Variants in BPTF observed in about 807,000 individuals in gnomAD.
The protein encoded by BPTF is nucleosome-remodeling factor subunit BPTF.
BPTF carries 18 observed loss-of-function variants against 292.5 expected under a neutral mutation model. The ratio of observed to expected loss-of-function variants is 0.06; its 90% CI spans 0.04 to 0.09. The LOEUF (loss-of-function observed/expected upper bound fraction) is 0.09. Among genes scored for constraint, BPTF ranks in the 10% least tolerant of loss-of-function variants. The pLI is 1.00. For missense variants in BPTF, 2,726 were observed against 3,498.7 expected (o/e 0.78, Z 5.57); for synonymous variants, 1,225 against 1,251.9 (o/e 0.98, Z 0.45).
intron 23 of BPTF, among the ~76,000 whole-genome samples, chr17:67,949,712 T>C (rs2066130613): frequency 6.6e-6 from 1 of 151,900 alleles, no homozygotes; most frequent in Admixed American, 6.6e-5. Flanking sequence ...CACATGTATA[T>C]ATATAATTTA....
At chr17:67,859,385 A>G (rs540476795) in intron 2 of BPTF, among the ~76,000 whole-genome samples, 2 of 152,250 alleles carry the variant, frequency 1.3e-5, no homozygotes, top group East Asian at 1.9e-4. Flanking sequence ...GGTTCAGGCA[A>G]TCCTTTCACT....
chr17:67,909,808 C>CACT, intron 10 of BPTF, 47 bp downstream of exon 10: 2 of 1,420,964 alleles, frequency 1.4e-6, no homozygotes, highest in Non-Finnish European at 1.9e-6. Flanking sequence ...GATAAGAATG[C>CACT]ACTGGATCAG....
chr17:67,958,837 C>T (rs1251887113), intron 23 of BPTF, among the ~76,000 whole-genome samples: 1 of 150,868 alleles, frequency 6.6e-6, no homozygotes, highest in Non-Finnish European at 1.5e-5. Context: ...TGTGGTGTTG[C>T]ACGCCTGTAA....
intron 4 of BPTF, among the ~76,000 whole-genome samples, chr17:67,875,236 AT>A (rs1156949439): frequency 1.3e-5 from 2 of 152,156 alleles, no homozygotes; most frequent in African/African-American, 4.8e-5. Context: ...TCATGTCTCT[AT>A]TTATACTTCC....
rs746265779 is a variant in BPTF at position 67,931,994 on chromosome 17, T to C, written c.6234T>C (p.Ile2078=). 6.2e-7 allele frequency: 1 copy of C among 1,613,874 alleles called. No individual in the cohort carries two copies. Among genetic ancestry groups the C allele is most frequent in the Non-Finnish European group, 8.5e-7 (1 of 1,179,936 alleles). ...LQQSTLGKAI[I]RTPVMVQPGA... The stretch of plus-strand genomic sequence containing the variant: ...AGTCAACACTAGGAAAGGCAATTAT[T>C]CGAACACCTGTGATGGTACAGCCAG... Residue 2078 remains isoleucine, a synonymous_variant, in exon 18 of 28, where the codon ATT becomes ATC. Transcript: ENST00000306378.
In BPTF at chr17:67,981,511, C is replaced by A; in HGVS notation, c.8727-741C>A. The A allele has an allele frequency of 6.1e-6, 7 of 1,149,982 alleles. 1 individual carries two copies. Among genetic ancestry groups the A allele is most frequent in the Non-Finnish European group, 7.6e-6 (7 of 922,834 alleles). The allele number at this position is 1,149,982 out of a possible 1,614,324, so 71.2% of individuals were successfully genotyped here. ...GGGGTCACTCTTTGTTTTATTGTAC[C>A]TCGTGATTACCTAATTCAAAATTGC... On this transcript the variant is annotated intron_variant, in intron 27 of 27. Coordinates refer to ENST00000306378, the MANE Select transcript of BPTF (RefSeq NM_182641.4).
Position 67,909,567 on chromosome 17 carries a change from C to T in BPTF, c.2813-15C>T, listed in dbSNP as rs371214492. On this transcript the variant is annotated splice_polypyrimidine_tract_variant and intron_variant, in intron 9 of 27. Coordinates refer to ENST00000306378, the MANE Select transcript of BPTF (RefSeq NM_182641.4). ...CTGGAAATAACGTAAATTATCGTTA[C>T]ATGGTTCTTTTTAGCCAAAAATAAT... is the stretch of plus-strand genomic sequence containing the variant. 1 of 1,498,918 alleles carries T rather than the reference C, an allele frequency of 6.7e-7. No individual in the cohort carries two copies. 92.9% of individuals were successfully genotyped at this position (1,498,918 alleles called of 1,614,324 possible). A position where few individuals can be genotyped will look rare whatever the true frequency, so the allele number is the denominator to read the frequency against.
At chr17:67,904,621 G>T in intron 8 of BPTF, 81 bp from the exon 9 acceptor site, 1 of 1,097,516 alleles carries the variant, frequency 9.1e-7, no homozygotes, top group Non-Finnish European at 1.2e-6. Flanking sequence ...AAACTTGTTT[G>T]GTAAAAATGC....
chr17:67,917,132 T>TTTTCCTTTCTTTTC (rs1491428972), intron 11 of BPTF, among the ~76,000 whole-genome samples: 1 of 84,088 alleles, frequency 1.2e-5, no homozygotes, highest in African/African-American at 8.5e-5. Flanking sequence ...GGTATTGTCC[T>TTTTCCTTTCTTTTC]TTTTTTTTTT....
chr17:67,885,766 C>T lies in BPTF; in HGVS notation c.1865-6078C>T, dbSNP rs191039027. On this transcript the variant is annotated intron_variant, in intron 4 of 27. Coordinates refer to ENST00000306378, the MANE Select transcript of BPTF (RefSeq NM_182641.4). Reference sequence around the variant, plus strand: ...TTTTGAATACTATCTCAGCAAACTACCTCTGCAATATCTGGCGCACTGTAA... The same window carrying T: ...TTTTGAATACTATCTCAGCAAACTATCTCTGCAATATCTGGCGCACTGTAA... 2.0e-5 allele frequency among the ~76,000 whole-genome samples: 3 copies of T among 152,288 alleles called. No homozygotes were observed. In the East Asian group the frequency reaches 5.8e-4, roughly 29 times the overall value.
Position 67,853,976 on chromosome 17 carries a change from C to G in BPTF, c.650C>G (p.Pro217Arg). ...RKPRVHRPRS[P>R]ILEEKDIPPL... ...CCAAGAGTACATCGGCCTCGTTCTC[C>G]TATATTGGAAGAAAAAGACATCCCG... Residue 217 changes from proline to arginine, a missense_variant, in exon 2 of 28, where the codon CCT (proline) becomes CGT (arginine). Coordinates refer to ENST00000306378, the MANE Select transcript of BPTF (RefSeq NM_182641.4). 1.9e-6 allele frequency: 3 copies of G among 1,613,974 alleles called. No individual in the cohort carries two copies. Among genetic ancestry groups the G allele is most frequent in the Non-Finnish European group, 2.5e-6 (3 of 1,179,874 alleles).
At chr17:67,923,150 G>A (rs1031743309) in intron 14 of BPTF, among the ~76,000 whole-genome samples, 160 bp downstream of exon 14, 10 of 150,896 alleles carry the variant, frequency 6.6e-5, no homozygotes, top group African/African-American at 9.8e-5. Flanking sequence ...CTGCCTCCCA[G>A]GCTCGAGTGA....
At chr17:67,855,926 C>T (rs1009001605) in intron 2 of BPTF, among the ~76,000 whole-genome samples, 2 of 152,212 alleles carry the variant, frequency 1.3e-5, no homozygotes, top group East Asian at 1.9e-4. Flanking sequence ...ACGGAATCTT[C>T]GCTGTCTATG....
chr17:67,959,705 C>T lies in BPTF; in HGVS notation c.8091C>T (p.Gly2697=). The T allele has an allele frequency of 1.3e-6, 2 of 1,578,596 alleles. No individual in the cohort carries two copies. Residue 2697 remains glycine, a synonymous_variant, in exon 24 of 28, where the codon GGC becomes GGT. Coordinates refer to ENST00000306378, the MANE Select transcript of BPTF (RefSeq NM_182641.4). The stretch of plus-strand genomic sequence containing the variant: ...CTCCACCTGCTGTGCAACACACAGG[C>T]CTTCTGTCCACGCCCACCTTACCTG... ...PPPPPAVQHT[G]LLSTPTLPAA... is the part of the protein sequence containing the mutation.
intron 27 of BPTF, chr17:67,981,837 C>A: frequency 2.5e-6 from 1 of 395,306 alleles, no homozygotes. Context: ...GTAATTTTTC[C>A]CTTTATATTC....
At chr17:67,964,141 G>A in intron 24 of BPTF, 71 bp from the exon 25 acceptor site, 1 of 1,476,134 alleles carries the variant, frequency 6.8e-7, no homozygotes, top group Non-Finnish European at 9.2e-7. Context: ...CAAATTTTCA[G>A]GTGCATGCTT....
chr17:67,948,399 A>T (rs11870068), intron 23 of BPTF, 93 bp downstream of exon 23: 3 of 1,181,002 alleles, frequency 2.5e-6, no homozygotes, highest in Admixed American at 2.8e-5. Flanking sequence ...TTAAAATTTC[A>T]GTATGTTTTC....
intron 24 of BPTF, among the ~76,000 whole-genome samples, chr17:67,960,561 T>A (rs147635939): frequency 1.9e-3 from 290 of 152,292 alleles, no homozygotes; most frequent in African/African-American, 6.7e-3. Context: ...GTAAATGTAG[T>A]TTCATTTTTT....
chr17:67,832,334 G>A (rs1184603968), intron 1 of BPTF, among the ~76,000 whole-genome samples: 1 of 150,822 alleles, frequency 6.6e-6, no homozygotes, highest in Non-Finnish European at 1.5e-5. Flanking sequence ...TAAAATGCAC[G>A]TAAATATAAT....
Sources: gnomAD v4.1 joint callset for allele counts (sites outside exome capture counted in the v4.1 genomes callset) on GRCh38, gnomAD v4.1.1 for gene constraint, MANE v1.5 for transcripts, NCBI Gene and HGNC (gene_info 2026-07-23, HGNC 2026-07-21) for gene names.